Variants in DACH1 observed in about 807,000 individuals in gnomAD.
The protein encoded by DACH1 is dachshund homolog 1.
Under a neutral mutation model 54.2 loss-of-function variants are expected in DACH1, and 12 were observed. The observed-to-expected ratio is 0.22, with a 90% CI of 0.14 to 0.36. The LOEUF is 0.36. Ranked by LOEUF, DACH1 falls within the 10% of genes least tolerant of loss-of-function variation. The pLI is 1.00. For missense variants in DACH1, 805 were observed against 929.8 expected (o/e 0.87, Z 1.75); for synonymous variants, 386 against 366.2 (o/e 1.05, Z -0.62).
intron 1 of DACH1, among the ~76,000 whole-genome samples, chr13:71,840,152 T>A (rs9572796): frequency 0.065 from 9,939 of 152,118 alleles, 1,070 homozygotes; most frequent in East Asian, 0.57. Context: ...TTCACTGTGT[T>A]GGCTAGGCTG....
intron 1 of DACH1, among the ~76,000 whole-genome samples, chr13:71,788,827 T>C (rs1364582573): frequency 2.0e-5 from 3 of 152,230 alleles, no homozygotes; most frequent in Admixed American, 6.6e-5. Context: ...GAATTTGTGC[T>C]TCCAAACTCT....
At chr13:71,814,258 T>C (rs942637061) in intron 1 of DACH1, among the ~76,000 whole-genome samples, 2 of 152,216 alleles carry the variant, frequency 1.3e-5, no homozygotes, top group Non-Finnish European at 2.9e-5. Context: ...TTATAAATTA[T>C]GCATGTTTCT....
chr13:71,583,826 C>A (rs1379802188), intron 3 of DACH1, among the ~76,000 whole-genome samples: 2 of 152,104 alleles, frequency 1.3e-5, no homozygotes, highest in South Asian at 2.1e-4. Context: ...CTGAGCAAGA[C>A]CCTGTCTCAA....
At chr13:71,849,008 C>G (rs1873482506) in intron 1 of DACH1, among the ~76,000 whole-genome samples, 1 of 152,204 alleles carries the variant, frequency 6.6e-6, no homozygotes, top group Non-Finnish European at 1.5e-5. Context: ...CCTGACTCTT[C>G]TTATGACCCT....
At chr13:71,677,409 A>G (rs1880639865) in intron 2 of DACH1, among the ~76,000 whole-genome samples, 3 of 152,300 alleles carry the variant, frequency 2.0e-5, no homozygotes, top group South Asian at 4.1e-4. Context: ...AATTATCACC[A>G]TCTGCCCACA....
intron 2 of DACH1, among the ~76,000 whole-genome samples, chr13:71,659,246 T>C (rs1197795791): frequency 1.3e-5 from 2 of 152,184 alleles, no homozygotes; most frequent in Non-Finnish European, 2.9e-5. Flanking sequence ...GTCATAATCA[T>C]GTTTTTGACT....
chr13:71,546,365 T>C (rs867867658), intron 6 of DACH1, among the ~76,000 whole-genome samples: 1 of 151,984 alleles, frequency 6.6e-6, no homozygotes, highest in Non-Finnish European at 1.5e-5. Context: ...TCTTAAAGAT[T>C]TACATTGGAT....
intron 1 of DACH1, among the ~76,000 whole-genome samples, chr13:71,689,840 A>ATCTCGC (rs1373997355): frequency 6.6e-6 from 1 of 152,108 alleles, no homozygotes; most frequent in Middle Eastern, 3.2e-3. Flanking sequence ...AGTTGGGATA[A>ATCTCGC]TCTCGCCCTC....
chr13:71,636,704 A>G (rs1402487953), intron 2 of DACH1, among the ~76,000 whole-genome samples: 1 of 151,912 alleles, frequency 6.6e-6, no homozygotes, highest in Admixed American at 6.6e-5. Flanking sequence ...GGTCTTCAGG[A>G]AAAGAACTGT....
At chr13:71,645,650 GT>G (rs1878213718) in intron 2 of DACH1, among the ~76,000 whole-genome samples, 1 of 152,202 alleles carries the variant, frequency 6.6e-6, no homozygotes, top group South Asian at 2.1e-4. Flanking sequence ...AGTGCAGACA[GT>G]AACTCCGACT....
chr13:71,479,419 C>T (rs930893202), intron 7 of DACH1, 103 bp from the exon 8 acceptor site: 26 of 1,181,560 alleles, frequency 2.2e-5, no homozygotes, highest in Admixed American at 1.1e-4. Flanking sequence ...GATCAAATGA[C>T]CTAATTCTTT....
Position 71,815,942 on chromosome 13 carries a change from G to A in DACH1, c.848+49980C>T, listed in dbSNP as rs368135735. ...CTACTAAAAATACAAAAAATTAGCC[G>A]GGCGTGGTAGCGGGCGCCTGTAGTC... On this transcript the variant is annotated intron_variant, in intron 1 of 10. Transcript: ENST00000613252. Among the ~76,000 whole-genome samples the A allele has an allele frequency of 3.0e-3, 461 of 151,878 alleles. 1 individual carries two copies. The highest frequency in any genetic ancestry group is 0.01 in the African/African-American group (415 of 41,420).
intron 6 of DACH1, among the ~76,000 whole-genome samples, chr13:71,537,485 C>T (rs917273328): frequency 6.6e-6 from 1 of 152,042 alleles, no homozygotes; most frequent in Non-Finnish European, 1.5e-5. Context: ...ATTTGTTGAT[C>T]ATCTTGCTTC....
chr13:71,705,833 A>G (rs575905835), intron 1 of DACH1, among the ~76,000 whole-genome samples: 1 of 152,070 alleles, frequency 6.6e-6, no homozygotes, highest in Non-Finnish European at 1.5e-5. Flanking sequence ...ACAATTAGTA[A>G]TTATCATATG....
chr13:71,471,779 A>T (rs1474785579), intron 10 of DACH1, among the ~76,000 whole-genome samples: 1 of 152,074 alleles, frequency 6.6e-6, no homozygotes, highest in East Asian at 1.9e-4. Context: ...AAAAGAAAAA[A>T]GAAGGAAACT....
intron 1 of DACH1, among the ~76,000 whole-genome samples, chr13:71,767,883 A>G (rs932873575): frequency 3.9e-5 from 6 of 151,992 alleles, no homozygotes; most frequent in African/African-American, 1.4e-4. Flanking sequence ...GATGAGAAGA[A>G]TATGTTTTAT....
chr13:71,495,559 G>A (rs576278710), intron 6 of DACH1, among the ~76,000 whole-genome samples: 6 of 152,190 alleles, frequency 3.9e-5, no homozygotes, highest in South Asian at 4.1e-4. Flanking sequence ...TTTAAACTGA[G>A]CTCAATTGTA....
intron 3 of DACH1, among the ~76,000 whole-genome samples, chr13:71,591,222 A>C (rs369942532): frequency 6.6e-6 from 1 of 151,252 alleles, no homozygotes; most frequent in South Asian, 2.1e-4. Context: ...ATTCTCCTTC[A>C]CACTACTTCC....
chr13:71,510,509 A>G (rs1197761927), intron 6 of DACH1, among the ~76,000 whole-genome samples: 1 of 152,082 alleles, frequency 6.6e-6, no homozygotes, highest in African/African-American at 2.4e-5. Context: ...GTCAAATAAC[A>G]AGATGAATCG....
Sources: gnomAD v4.1 joint callset for allele counts (sites outside exome capture counted in the v4.1 genomes callset) on GRCh38, gnomAD v4.1.1 for gene constraint, MANE v1.5 for transcripts, NCBI Gene and HGNC (gene_info 2026-07-23, HGNC 2026-07-21) for gene names.